The following ITPA variants were observed in gnomAD, a reference collection of about 807,000 sequenced individuals.
ITPA encodes inosine triphosphate pyrophosphatase.
ITPA carries 29 observed loss-of-function variants against 29.6 expected under a neutral mutation model. The ratio of observed to expected loss-of-function variants is 0.98; its 90% CI spans 0.73 to 1.34. The LOEUF (loss-of-function observed/expected upper bound fraction) is 1.34, where lower values mean the gene tolerates loss of function less well. ITPA is among the 40% of genes most tolerant of loss of function. The pLI, the probability that ITPA is intolerant of heterozygous loss-of-function variation, is 0.00. For missense variants in ITPA, 241 were observed against 251.5 expected (o/e 0.96, Z 0.28); for synonymous variants, 103 against 99.3 (o/e 1.04, Z -0.22).
intron 3 of ITPA, 94 bp downstream of exon 3, chr20:3,213,477 G>C: frequency 6.7e-7 from 1 of 1,503,380 alleles, no homozygotes; most frequent in Non-Finnish European, 9.2e-7. Context: ...GACACAGTTT[G>C]TTGAGCTTTC....
intron 6 of ITPA, among the ~76,000 whole-genome samples, chr20:3,219,391 T>C (rs2067402125): frequency 6.6e-6 from 1 of 151,890 alleles, no homozygotes; most frequent in African/African-American, 2.4e-5. Context: ...GGAGGCTTTC[T>C]TGAGCCCAGG....
intron 3 of ITPA, 73 bp from the exon 4 acceptor site, chr20:3,213,912 A>G: frequency 6.7e-7 from 1 of 1,493,628 alleles, no homozygotes; most frequent in South Asian, 1.1e-5. Context: ...AGCCTGGGTG[A>G]CGCGGGTGAC....
chr20:3,214,200 A>G (rs775858735), intron 4 of ITPA, 142 bp downstream of exon 4: 5 of 761,466 alleles, frequency 6.6e-6, no homozygotes, highest in Non-Finnish European at 1.1e-5. Context: ...AAGACGGGAT[A>G]GGAGAAGCAT....
chr20:3,215,193 C>T, intron 4 of ITPA, 88 bp from the exon 5 acceptor site: 1 of 1,360,350 alleles, frequency 7.4e-7, no homozygotes, highest in Non-Finnish European at 1.1e-6. Flanking sequence ...TTCATTTCCC[C>T]TTGGCTGTCA....
intron 5 of ITPA, among the ~76,000 whole-genome samples, chr20:3,216,132 A>C (rs1308263874): frequency 6.8e-6 from 1 of 147,450 alleles, no homozygotes; most frequent in Non-Finnish European, 1.5e-5. Context: ...CTGGGATTAC[A>C]GGCATGCGCC....
At position 3,209,923 on chromosome 20, in the gene ITPA, A is replaced by ACATCCCG. The variant is rs2067134501; in HGVS notation, c.66+307_66+308insATCCCGC. On this transcript the variant is annotated intron_variant, in intron 1 of 7. Coordinates refer to ENST00000380113, the MANE Select transcript of ITPA (RefSeq NM_033453.4). This position sits in a 1 kb window ranked among gnomAD's most constrained non-coding sequence, Gnocchi z 4.6. ...GCTCTTAACAACCGCCCCGAAGGTCACCTATTGAAGTAGACCCCAACCCAG... is the reference window on the plus strand; with the variant it reads ...GCTCTTAACAACCGCCCCGAAGGTCACATCCCGCCTATTGAAGTAGACCCCAACCCAG... Among the ~76,000 whole-genome samples, 1 of 151,974 alleles carries ACATCCCG rather than the reference A, an allele frequency of 6.6e-6. No individual in the cohort carries two copies. The highest frequency in any genetic ancestry group is 2.4e-5 in the African/African-American group (1 of 41,374).
chr20:3,221,204 T>C (rs1364842130), intron 6 of ITPA, among the ~76,000 whole-genome samples: 1 of 146,124 alleles, frequency 6.8e-6, no homozygotes, highest in East Asian at 2.0e-4. Flanking sequence ...ATTTTCTTTT[T>C]CTTTTCTTTC....
upstream of ITPA, chr20:3,209,136 T>C: frequency 3.2e-6 from 1 of 314,886 alleles, no homozygotes; most frequent in Non-Finnish European, 6.2e-6. This position sits in a 1 kb window ranked among gnomAD's most constrained non-coding sequence, Gnocchi z 4.6. Flanking sequence ...GATGAGGGTT[T>C]GGAAGCCCTT....
upstream of ITPA, among the ~76,000 whole-genome samples, chr20:3,204,860 GTT>G (rs534458208): frequency 1.4e-5 from 2 of 147,666 alleles, no homozygotes; most frequent in South Asian, 2.1e-4. Flanking sequence ...ATCTATGTAT[GTT>G]TTTTTTTTTT....
chr20:3,207,494 G>C (rs562316342), upstream of ITPA, among the ~76,000 whole-genome samples: 15 of 152,210 alleles, frequency 9.9e-5, no homozygotes, highest in African/African-American at 2.4e-4. Flanking sequence ...AGGAGTTTGA[G>C]ACCAGCCTGG....
chr20:3,212,238 G>T (rs1162855851), intron 1 of ITPA, among the ~76,000 whole-genome samples: 1 of 151,936 alleles, frequency 6.6e-6, no homozygotes, highest in African/African-American at 2.4e-5. Flanking sequence ...TTATCAAAAT[G>T]TTACAAATAT....
chr20:3,218,780 A>C, intron 6 of ITPA, 148 bp downstream of exon 6: 1 of 698,560 alleles, frequency 1.4e-6, no homozygotes, highest in Admixed American at 2.0e-5. Flanking sequence ...TCCCCTGCGC[A>C]GCATAGGTAG....
intron 6 of ITPA, chr20:3,218,877 C>T: frequency 3.5e-6 from 2 of 569,752 alleles, no homozygotes; most frequent in Non-Finnish European, 6.4e-6. Context: ...TGCCCCTGGG[C>T]AGGACAATGG....
At chr20:3,225,442 G>A, downstream of ITPA, among the ~76,000 whole-genome samples, 1 of 152,108 alleles carries the variant, frequency 6.6e-6, no homozygotes. Flanking sequence ...AGTGGCCAGT[G>A]GTTTATTCAA....
intron 1 of ITPA, among the ~76,000 whole-genome samples, chr20:3,211,176 T>TG: frequency 6.6e-6 from 1 of 150,842 alleles, no homozygotes; most frequent in South Asian, 2.1e-4. Context: ...CTTTTTTTTT[T>TG]TTTCTTTGAG....
chr20:3,217,687 T>G (rs1366479922), intron 5 of ITPA, among the ~76,000 whole-genome samples: 6 of 152,134 alleles, frequency 3.9e-5, no homozygotes, highest in African/African-American at 9.7e-5. Context: ...GGGGCTGATA[T>G]CAAACTCCTG....
Position 3,218,562 on chromosome 20 carries a change from C to T in ITPA, c.341C>T (p.Ala114Val). ...GGGTTCGAGGACAAGTCAGCCTATG[C>T]GCTCTGCACGTTTGCACTCAGCACC... ...LAGFEDKSAY[A>V]LCTFALSTGD... The change falls in exon 6 of 8, where the codon GCG becomes GTG. Residue 114 changes from alanine to valine, a missense_variant. By Grantham distance (64) the Ala-to-Val change is moderately conservative. Transcript: ENST00000380113. 1 of 1,613,962 alleles carries T rather than the reference C, an allele frequency of 6.2e-7. No individual in the cohort carries two copies. Among genetic ancestry groups the T allele is most frequent in the Non-Finnish European group, 8.5e-7 (1 of 1,180,014 alleles).
intron 6 of ITPA, among the ~76,000 whole-genome samples, chr20:3,221,208 T>G (rs2067453686): frequency 6.9e-6 from 1 of 145,418 alleles, no homozygotes; most frequent in Non-Finnish European, 1.5e-5. Flanking sequence ...TCTTTTTCTT[T>G]TCTTTCTTTT....
intron 6 of ITPA, among the ~76,000 whole-genome samples, chr20:3,220,055 A>AC (rs2067422189): frequency 6.7e-6 from 1 of 148,452 alleles, no homozygotes; most frequent in Non-Finnish European, 1.5e-5. Flanking sequence ...AAAAAAAAAA[A>AC]AAAAAAACAA....
Sources: gnomAD v4.1 joint callset for allele counts (sites outside exome capture counted in the v4.1 genomes callset) on GRCh38, gnomAD v4.1.1 for gene constraint, Gnocchi (gnomAD v3.1) non-coding constraint, MANE v1.5 for transcripts, NCBI Gene and HGNC (gene_info 2026-07-23, HGNC 2026-07-21) for gene names.